TGFBI: variants seen among roughly 807,000 people sequenced by gnomAD.
TGFBI encodes transforming growth factor beta induced.
TGFBI carries 50 observed loss-of-function variants against 73.7 expected under a neutral mutation model. The ratio of observed to expected loss-of-function variants is 0.68; its 90% CI spans 0.54 to 0.86. The LOEUF (loss-of-function observed/expected upper bound fraction) is 0.86. TGFBI is among the 40% of genes least tolerant of loss of function. The pLI is 0.00. For missense variants in TGFBI, 839 were observed against 877.0 expected (o/e 0.96, Z 0.55); for synonymous variants, 362 against 360.5 (o/e 1.00, Z -0.05).
intron 6 of TGFBI, 181 bp downstream of exon 6, chr5:136,047,601 C>T (rs899065823): frequency 1.9e-5 from 14 of 731,142 alleles, no homozygotes; most frequent in Admixed American, 1.0e-4. Flanking sequence ...CTTGACCTAA[C>T]CTGTGAAATT....
chr5:136,051,826 C>A (rs45594639), intron 7 of TGFBI, among the ~76,000 whole-genome samples: 2 of 152,248 alleles, frequency 1.3e-5, no homozygotes, highest in African/African-American at 2.4e-5. Context: ...TTCCCATAGG[C>A]CTTCTCACCC....
chr5:136,051,889 A>G (rs1440540366), intron 7 of TGFBI, among the ~76,000 whole-genome samples: 2 of 152,142 alleles, frequency 1.3e-5, no homozygotes, highest in Middle Eastern at 3.4e-3. Context: ...AAGGCCATCA[A>G]CTCGTCTGCA....
In TGFBI at chr5:136,049,447, G is replaced by A; in HGVS notation, c.780G>A (p.Val260=). The A allele has an allele frequency of 3.7e-6, 6 of 1,613,882 alleles. No individual in the cohort carries two copies. Among genetic ancestry groups the A allele is most frequent in the Non-Finnish European group, 5.1e-6 (6 of 1,179,782 alleles). The change falls in exon 7 of 17, where the codon GTG becomes GTA. Residue 260 remains valine (V), a synonymous_variant. Coordinates refer to ENST00000442011, the MANE Select transcript of TGFBI (RefSeq NM_000358.3). ...EDTFETLRAA[V]AASGLNTMLE... is the part of the protein sequence containing the mutation. ...TTCTCTCCTCCCCACAGGCTGCTGT[G>A]GCTGCATCAGGGCTCAACACGATGC...
rs1751639796 is a variant in TGFBI at position 136,056,730 on chromosome 5, C to T, written c.1613C>T (p.Thr538Ile). 6.2e-7 allele frequency: 1 copy of T among 1,613,862 alleles called. No individual in the cohort carries two copies. The highest frequency in any genetic ancestry group is 1.7e-5 in the Admixed American group (1 of 60,008). Residue 538 changes from threonine (T) to isoleucine (I), a missense_variant, in exon 12 of 17, where the codon ACA (threonine) becomes ATA (isoleucine). Coordinates refer to ENST00000442011, the MANE Select transcript of TGFBI (RefSeq NM_000358.3). ...ACCCTCAACCGGGAAGGAGTCTACA[C>T]AGTCTTTGCTCCCACAAATGAAGCC... is the stretch of plus-strand genomic sequence containing the variant. Reference protein sequence around the residue: ...TETLNREGVYTVFAPTNEAFR... With the variant: ...TETLNREGVYIVFAPTNEAFR...
intron 1 of TGFBI, among the ~76,000 whole-genome samples, chr5:136,033,093 T>C (rs1751150200): frequency 6.6e-6 from 1 of 152,156 alleles, no homozygotes; most frequent in Non-Finnish European, 1.5e-5. Context: ...TCCTCAAGGT[T>C]CTGTTGAGTG....
At chr5:136,045,749 C>T (rs1751417199) in intron 3 of TGFBI, 1 of 152,056 alleles carries the variant, frequency 6.6e-6, no homozygotes, top group African/African-American at 2.4e-5. Context: ...GGAGCTCAAC[C>T]TCTGAACCCT....
intron 2 of TGFBI, among the ~76,000 whole-genome samples, chr5:136,039,335 G>A (rs575577746): frequency 7.2e-5 from 11 of 152,312 alleles, no homozygotes; most frequent in Middle Eastern, 6.8e-3. Flanking sequence ...GGTAAGCTGA[G>A]GAGGTCTGTC....
In TGFBI at chr5:136,055,050, T is replaced by C. The variant is rs550369101; in HGVS notation, c.1410+189T>C. ...GCAGAAGGATTGGAATCTCTTTTTC[T>C]GGAGGCCTTTGAGAATAAACCACAC... On this transcript the variant is annotated intron_variant, in intron 10 of 16. Transcript: ENST00000442011. 3 of 696,246 alleles carry C rather than the reference T, an allele frequency of 4.3e-6. No homozygotes were observed. The East Asian group carries it at 8.1e-5, about 19-fold the overall frequency. The allele number at this position is 696,246 out of a possible 1,614,324, so 43.1% of individuals were successfully genotyped here.
intron 1 of TGFBI, among the ~76,000 whole-genome samples, chr5:136,031,823 C>G (rs1247059461): frequency 6.6e-6 from 1 of 152,144 alleles, no homozygotes; most frequent in Non-Finnish European, 1.5e-5. Flanking sequence ...TTCCTATGTA[C>G]ACAGCCCACC....
At chr5:136,044,151 T>C in intron 3 of TGFBI, 29 bp downstream of exon 3, 1 of 1,592,108 alleles carries the variant, frequency 6.3e-7, no homozygotes, top group Non-Finnish European at 8.6e-7. Context: ...CCTTGCCTGT[T>C]GGTGTGGGTG....
intron 2 of TGFBI, among the ~76,000 whole-genome samples, chr5:136,039,743 C>G (rs933216887): frequency 6.6e-6 from 1 of 152,180 alleles, no homozygotes; most frequent in Non-Finnish European, 1.5e-5. Context: ...CAGGCTGGCC[C>G]CTGGTGAGGG....
Position 136,061,587 on chromosome 5 carries a change from G to A in TGFBI, c.1986+8G>A. 36 of 1,612,956 alleles carry A rather than the reference G, an allele frequency of 2.2e-5. No homozygotes were observed. Among genetic ancestry groups the A allele is most frequent in the Non-Finnish European group, 3.1e-5 (36 of 1,179,254 alleles). ...GCATCAGCGTTTTCCAGGGTAAGAT[G>A]CCTGCTAGGTTTGCGCCTAGCCTGA... On this transcript the variant is annotated splice_region_variant and intron_variant, in intron 15 of 16. Coordinates refer to ENST00000442011, the MANE Select transcript of TGFBI (RefSeq NM_000358.3).
intron 1 of TGFBI, among the ~76,000 whole-genome samples, chr5:136,032,715 C>T (rs1751143120): frequency 6.6e-6 from 1 of 152,128 alleles, no homozygotes; most frequent in Admixed American, 6.5e-5. Flanking sequence ...GCCTCTGGCT[C>T]AGGAAGATCA....
chr5:136,062,555 GC>G, intron 15 of TGFBI, 107 bp from the exon 16 acceptor site: 2 of 1,175,754 alleles, frequency 1.7e-6, no homozygotes, highest in African/African-American at 3.0e-5. Flanking sequence ...CCTCTTCCTC[GC>G]CCCAGCATTT....
intron 7 of TGFBI, among the ~76,000 whole-genome samples, chr5:136,051,822 T>C (rs1751541632): frequency 6.6e-6 from 1 of 152,232 alleles, no homozygotes; most frequent in Non-Finnish European, 1.5e-5. Flanking sequence ...CTCATTCCCA[T>C]AGGCCTTCTC....
At position 136,044,102 on chromosome 5, in the gene TGFBI, G is replaced by A. The variant is rs1201608289; in HGVS notation, c.278G>A (p.Gly93Glu). Residue 93 changes from glycine (G) to glutamate (E), a missense_variant, in exon 3 of 17, where the codon GGG becomes GAG. Coordinates refer to ENST00000442011, the MANE Select transcript of TGFBI (RefSeq NM_000358.3). ...TGTCCTGGATATGAAAAGGTCCCTG[G>A]GGAGAAGGGCTGTCCAGCAGGTGAA... is the stretch of plus-strand genomic sequence containing the variant. ...ECCPGYEKVP[G>E]EKGCPAALPL... 6.2e-7 allele frequency: 1 copy of A among 1,613,114 alleles called. No individual in the cohort carries two copies. The highest frequency in any genetic ancestry group is 2.2e-5 in the East Asian group (1 of 44,826).
chr5:136,063,740 G>T lies in TGFBI; in HGVS notation c.*514G>T, dbSNP rs1751789523. 3 of 166,036 alleles carry T rather than the reference G, an allele frequency of 1.8e-5. No individual in the cohort carries two copies. The highest frequency in any genetic ancestry group is 4.8e-5 in the African/African-American group (2 of 41,674). The allele number at this position is 166,036 out of a possible 1,614,324, so 10.3% of individuals were successfully genotyped here. A position where few individuals can be genotyped will look rare whatever the true frequency, so the allele number is the denominator to read the frequency against. On this transcript the variant is annotated 3_prime_UTR_variant, in exon 17 of 17. Coordinates refer to ENST00000442011, the MANE Select transcript of TGFBI (RefSeq NM_000358.3). ...TATGGGGCCCTGTCCAGGTAGAAAA[G>T]AAATGGTATGTAGAGCTTAGATTTC...
chr5:136,035,364 C>T (rs1751198617), intron 2 of TGFBI, among the ~76,000 whole-genome samples: 2 of 152,192 alleles, frequency 1.3e-5, no homozygotes, highest in Non-Finnish European at 2.9e-5. Context: ...TGGCTCACGC[C>T]TGTAATCCCA....
intron 2 of TGFBI, among the ~76,000 whole-genome samples, chr5:136,043,351 C>A (rs1580712727): frequency 1.3e-5 from 2 of 152,100 alleles, no homozygotes; most frequent in Admixed American, 6.5e-5. Context: ...TGTATATTTT[C>A]AATTTCAAAC....
Sources: gnomAD v4.1 joint callset for allele counts (sites outside exome capture counted in the v4.1 genomes callset) on GRCh38, gnomAD v4.1.1 for gene constraint, MANE v1.5 for transcripts, NCBI Gene and HGNC (gene_info 2026-07-23, HGNC 2026-07-21) for gene names.